Variants in CLNK observed in about 807,000 individuals in gnomAD.
CLNK encodes the protein cytokine dependent hematopoietic cell linker.
CLNK carries 74 observed loss-of-function variants against 68.6 expected under a neutral mutation model. The observed-to-expected ratio is 1.08, with a 90% CI of 0.89 to 1.31. The LOEUF is 1.31. Among genes scored for constraint, CLNK ranks in the 50% most tolerant of loss-of-function variants. The pLI is 0.00. For missense variants in CLNK, 553 were observed against 515.3 expected, an observed-to-expected ratio of 1.07 and a Z score of -0.71; for synonymous variants, 198 against 172.2, an observed-to-expected ratio of 1.15 and a Z score of -1.17.
chr4:10,731,430 T>C, the CLNK span, among the ~76,000 whole-genome samples: 2 of 152,318 alleles, frequency 1.3e-5, no homozygotes, highest in Admixed American at 1.3e-4. Context: ...CAGGGGTTTT[T>C]AGCCACATCT....
intron 3 of CLNK, among the ~76,000 whole-genome samples, chr4:10,587,041 T>C (rs1395884486): frequency 6.6e-6 from 1 of 151,992 alleles, no homozygotes; most frequent in African/African-American, 2.4e-5. Context: ...CTTGGCTCAC[T>C]GCAACCTCCG....
intron 5 of CLNK, among the ~76,000 whole-genome samples, chr4:10,571,437 C>T (rs895364424): frequency 1.4e-5 from 2 of 146,238 alleles, no homozygotes; most frequent in Non-Finnish European, 3.0e-5. Flanking sequence ...TGGGTTCAAG[C>T]GATTCTCCTG....
At chr4:10,730,155 C>G in the CLNK span, among the ~76,000 whole-genome samples, 1 of 152,186 alleles carries the variant, frequency 6.6e-6, no homozygotes, top group East Asian at 1.9e-4. Flanking sequence ...TGGGCACCTA[C>G]CTGGCAAGCT....
chr4:10,650,175 T>C (rs1229654744), intron 2 of CLNK, among the ~76,000 whole-genome samples: 2 of 152,280 alleles, frequency 1.3e-5, no homozygotes, highest in East Asian at 3.9e-4. Flanking sequence ...CATTAACTGA[T>C]ATGTAAATCC....
At chr4:10,675,687 C>T (rs1457032021) in intron 1 of CLNK, among the ~76,000 whole-genome samples, 1 of 152,058 alleles carries the variant, frequency 6.6e-6, no homozygotes, top group African/African-American at 2.4e-5. Context: ...AAAATACTGG[C>T]CTCTATTTAT....
At chr4:10,586,002 G>T (rs1256516962) in intron 3 of CLNK, among the ~76,000 whole-genome samples, 1 of 152,104 alleles carries the variant, frequency 6.6e-6, no homozygotes, top group African/African-American at 2.4e-5. Flanking sequence ...ATCATGCGTT[G>T]GTAGGAGTCT....
At chr4:10,554,687 G>A (rs544636739) in intron 8 of CLNK, among the ~76,000 whole-genome samples, 1 of 152,172 alleles carries the variant, frequency 6.6e-6, no homozygotes, top group Non-Finnish European at 1.5e-5. Context: ...ATCTAAAATG[G>A]TAGAAGAATA....
intron 3 of CLNK, among the ~76,000 whole-genome samples, chr4:10,586,231 A>G (rs1320930911): frequency 1.3e-5 from 2 of 151,910 alleles, no homozygotes; most frequent in Admixed American, 1.3e-4. Context: ...TCTACATGAT[A>G]TTTTGAAGGG....
rs114071066 is a variant in CLNK, at chr4:10,589,679, C to T, written c.84-4724G>A. ...AGGGAGGGGATCAGGAGAGGTGGTC[C>T]GAACACCATAGTTTGGTCTAGATGG... is the stretch of plus-strand genomic sequence containing the variant. On this transcript the variant is annotated intron_variant, in intron 3 of 18. Coordinates refer to ENST00000226951, the MANE Select transcript of CLNK (RefSeq NM_052964.4). Among the ~76,000 whole-genome samples, 1,470 of 152,152 alleles carry T rather than the reference C, an allele frequency of 9.7e-3. 37 individuals are homozygous for T. Among genetic ancestry groups the T allele is most frequent in the African/African-American group, 0.033 (1,382 of 41,516 alleles).
At chr4:10,527,625 G>T (rs759314578) in intron 13 of CLNK, among the ~76,000 whole-genome samples, 8 of 152,208 alleles carry the variant, frequency 5.3e-5, no homozygotes, top group Non-Finnish European at 1.2e-4. Flanking sequence ...ATGAGTGACT[G>T]TTGGATTGCA....
chr4:10,593,670 A>G (rs1292562017), intron 3 of CLNK, among the ~76,000 whole-genome samples: 2 of 152,018 alleles, frequency 1.3e-5, no homozygotes, highest in Admixed American at 1.3e-4. Context: ...AAACAAAACA[A>G]AACAACCCAG....
chr4:10,577,875 G>A (rs1720627662), intron 4 of CLNK, among the ~76,000 whole-genome samples: 1 of 152,142 alleles, frequency 6.6e-6, no homozygotes, highest in African/African-American at 2.4e-5. Flanking sequence ...GGAGGTTAGT[G>A]TTTGGCAGTA....
At chr4:10,637,715 CT>C (rs1332269517) in intron 2 of CLNK, among the ~76,000 whole-genome samples, 1 of 150,914 alleles carries the variant, frequency 6.6e-6, no homozygotes, top group Admixed American at 6.6e-5. Context: ...CTGCCTCAGC[CT>C]CCCGAGTAGC....
At chr4:10,723,919 A>AGAG in the CLNK span, among the ~76,000 whole-genome samples, 30 of 148,056 alleles carry the variant, frequency 2.0e-4, no homozygotes, top group Non-Finnish European at 2.2e-4. Flanking sequence ...AGAGAGAGAG[A>AGAG]AGGCAGGGCA....
rs531065198 is a variant in CLNK, at chr4:10,626,355, T to C, written c.12-28306A>G. On this transcript the variant is annotated intron_variant, in intron 2 of 18. Transcript: ENST00000226951. ...GCTCTCCTTCTCTTGCTTCTTTTTA[T>C]TTCGTTGACCCACATCAACTCATCT... Among the ~76,000 whole-genome samples the C allele has an allele frequency of 1.3e-4, 20 of 152,340 alleles. No homozygotes were observed. The South Asian group carries it at 1.7e-3, about 13-fold the overall frequency.
At chr4:10,509,240 A>G (rs1329431635) in intron 16 of CLNK, among the ~76,000 whole-genome samples, 1 of 152,130 alleles carries the variant, frequency 6.6e-6, no homozygotes, top group Non-Finnish European at 1.5e-5. Context: ...TATATTAAAT[A>G]CTGAGATTCT....
chr4:10,526,495 T>TA (rs1043636452), intron 13 of CLNK, among the ~76,000 whole-genome samples: 1 of 152,148 alleles, frequency 6.6e-6, no homozygotes, highest in Admixed American at 6.6e-5. Context: ...TACGTATGGC[T>TA]AAAAAAGACC....
At chr4:10,505,713 A>C (rs1277626246) in intron 17 of CLNK, among the ~76,000 whole-genome samples, 1 of 152,072 alleles carries the variant, frequency 6.6e-6, no homozygotes, top group African/African-American at 2.4e-5. Context: ...GTTCCCTCTT[A>C]CAAGGACCTT....
chr4:10,612,489 C>T (rs1056416276), intron 2 of CLNK, among the ~76,000 whole-genome samples: 4 of 152,198 alleles, frequency 2.6e-5, no homozygotes, highest in Admixed American at 6.5e-5. Context: ...GGAGGAAAAG[C>T]CCAGGGAGGC....
Sources: allele counts gnomAD v4.1 joint callset (sites outside exome capture counted in the v4.1 genomes callset), GRCh38; gene constraint gnomAD v4.1.1; transcripts MANE v1.5; gene names NCBI Gene and HGNC (gene_info 2026-07-23, HGNC 2026-07-21).